The following XPNPEP1 variants were observed in gnomAD, a reference collection of about 807,000 sequenced individuals.
XPNPEP1 encodes X-prolyl aminopeptidase 1, also known as xaa-Pro aminopeptidase 1.
XPNPEP1 carries 39 observed loss-of-function variants against 92.4 expected under a neutral mutation model. The ratio of observed to expected loss-of-function variants is 0.42; its 90% CI spans 0.33 to 0.55. The LOEUF (loss-of-function observed/expected upper bound fraction) is 0.55. Among genes scored for constraint, XPNPEP1 ranks in the 20% least tolerant of loss-of-function variants. The pLI, the probability that XPNPEP1 is intolerant of heterozygous loss-of-function variation, is 0.08. For synonymous variants in XPNPEP1, 307 were observed against 299.4 expected, an observed-to-expected ratio of 1.03 and a Z score of -0.26; for missense variants, 654 against 856.1, an observed-to-expected ratio of 0.76 and a Z score of 2.95.
chr10:109,888,596 C>A lies in XPNPEP1; in HGVS notation c.416-1G>T. ...TCCTGAGTTGGTGTGTCCTTCAGACCTACAGGGGGAAGAAATGATAAGAAA... is the reference window on the plus strand; with the variant it reads ...TCCTGAGTTGGTGTGTCCTTCAGACATACAGGGGGAAGAAATGATAAGAAA... On this transcript the variant is annotated splice_acceptor_variant, in intron 5 of 20. Transcript: ENST00000502935. LOFTEE classifies it high-confidence loss of function. 6.3e-7 allele frequency: 1 copy of A among 1,597,292 alleles called. No homozygotes were observed. Among genetic ancestry groups the A allele is most frequent in the Non-Finnish European group, 8.6e-7 (1 of 1,169,480 alleles).
chr10:109,891,426 G>C (rs1848697259), intron 5 of XPNPEP1: 2 of 234,558 alleles, frequency 8.5e-6, no homozygotes, highest in Admixed American at 1.1e-4. Context: ...AATAGTAGAA[G>C]GCCCCCAGTA....
At chr10:109,916,682 A>C (rs1850209503) in intron 1 of XPNPEP1, among the ~76,000 whole-genome samples, 1 of 152,236 alleles carries the variant, frequency 6.6e-6, no homozygotes. Context: ...TTCATAAAAA[A>C]GTAAGACACC....
intron 17 of XPNPEP1, chr10:109,871,132 G>A (rs1253466869): frequency 4.7e-6 from 2 of 426,898 alleles, no homozygotes; most frequent in African/African-American, 2.0e-5. Context: ...GGTGAGCGGG[G>A]ATAGACACCT....
intron 6 of XPNPEP1, 72 bp downstream of exon 6, chr10:109,888,431 C>T: frequency 6.9e-7 from 1 of 1,452,162 alleles, no homozygotes; most frequent in Non-Finnish European, 9.4e-7. Context: ...ACCCCACAAG[C>T]AAATGAGGAG....
chr10:109,915,185 A>T (rs1850118416), intron 1 of XPNPEP1, 86 bp from the exon 2 acceptor site: 1 of 679,904 alleles, frequency 1.5e-6, no homozygotes, highest in South Asian at 3.2e-5. Context: ...CGCTTAACTT[A>T]GCAGTTCTCT....
rs1850111298 is a variant in XPNPEP1, at chr10:109,915,058, A to T, written c.74T>A (p.Ile25Asn). 1 of 1,529,866 alleles carries T rather than the reference A, an allele frequency of 6.5e-7. No homozygotes were observed. Among genetic ancestry groups the T allele is most frequent in the African/African-American group, 1.4e-5 (1 of 72,892 alleles). 94.8% of individuals were successfully genotyped at this position (1,529,866 alleles called of 1,614,324 possible). Reference protein sequence around the residue: ...QDFQLRNLRIIEPNEVTHSGD... With the variant: ...QDFQLRNLRINEPNEVTHSGD... ...TGAGTGTGTCACCTCGTTAGGTTCA[A>T]TTATTCTTAAATTTCTCAGTTGAAA... Residue 25 changes from isoleucine (I) to asparagine (N), a missense_variant, in exon 2 of 21, where the codon ATT (isoleucine) becomes AAT (asparagine). By Grantham distance (149) the Ile-to-Asn change is moderately radical. Transcript: ENST00000502935.
chr10:109,904,844 A>T (rs1157552781), intron 3 of XPNPEP1, among the ~76,000 whole-genome samples: 1 of 152,242 alleles, frequency 6.6e-6, no homozygotes, highest in African/African-American at 2.4e-5. Flanking sequence ...TGCAGAAAAC[A>T]GTATGGAAGT....
At chr10:109,907,376 G>A (rs2133525682) in intron 3 of XPNPEP1, among the ~76,000 whole-genome samples, 1 of 152,286 alleles carries the variant, frequency 6.6e-6, no homozygotes, top group South Asian at 2.1e-4. Context: ...AGAGAGACAG[G>A]GCAAACAATT....
intron 8 of XPNPEP1, chr10:109,884,460 G>A (rs1848281462): frequency 4.2e-6 from 1 of 239,152 alleles, no homozygotes; most frequent in Non-Finnish European, 8.1e-6. Context: ...GCCTAGTGGT[G>A]ACCTGCCAGG....
chr10:109,915,045 C>T lies in XPNPEP1; in HGVS notation c.87G>A (p.Glu29=). The change falls in exon 2 of 21, where the codon GAG becomes GAA. Residue 29 remains glutamate, a synonymous_variant. Transcript: ENST00000502935. ...LRNLRIIEPN[E]VTHSGDTGVE... ...CACCTGTGTCTCCTGAGTGTGTCAC[C>T]TCGTTAGGTTCAATTATTCTTAAAT... is the stretch of plus-strand genomic sequence containing the variant. The T allele has an allele frequency of 6.5e-7, 1 of 1,530,692 alleles. No individual in the cohort carries two copies. Among genetic ancestry groups the T allele is most frequent in the Non-Finnish European group, 8.7e-7 (1 of 1,143,350 alleles). 94.8% of individuals were successfully genotyped at this position (1,530,692 alleles called of 1,614,324 possible).
At chr10:109,908,531 G>A (rs555053973) in intron 2 of XPNPEP1, among the ~76,000 whole-genome samples, 25 of 152,332 alleles carry the variant, frequency 1.6e-4, no homozygotes, top group African/African-American at 5.8e-4. Context: ...GCACTCAGGA[G>A]GTGGAGGTTG....
chr10:109,906,854 A>G lies in XPNPEP1; in HGVS notation c.246+837T>C, dbSNP rs1849585133. On this transcript the variant is annotated intron_variant, in intron 3 of 20. Coordinates refer to ENST00000502935, the MANE Select transcript of XPNPEP1 (RefSeq NM_020383.4). ...AAACTCCACCCATCCTTCAAGGTCC[A>G]ATTCAACTGTCTCCCCTGTGCCATG... Among the ~76,000 whole-genome samples the G allele has an allele frequency of 2.0e-5, 3 of 152,148 alleles. 1 individual carries two copies. The highest frequency in any genetic ancestry group is 4.1e-4 in the South Asian group (2 of 4,824).
chr10:109,888,884 G>A (rs1258845110), intron 5 of XPNPEP1, among the ~76,000 whole-genome samples: 3 of 152,172 alleles, frequency 2.0e-5, no homozygotes, highest in Non-Finnish European at 2.9e-5. Context: ...GGGGATCACT[G>A]CCACGTACAC....
Position 109,891,736 on chromosome 10 carries a change from G to A in XPNPEP1, c.401C>T (p.Thr134Ile). 2 of 1,586,096 alleles carry A rather than the reference G, an allele frequency of 1.3e-6. No homozygotes were observed. Among genetic ancestry groups the A allele is most frequent in the Non-Finnish European group, 1.7e-6 (2 of 1,170,472 alleles). ...CCTGTACCCACCCATCTTCATAAGT[G>A]TCCAGTTGCTGTCCATTTGCTTGGC... The part of the protein sequence containing the change: ...QAAKQMDSNW[T>I]LMKMGLKDTP... The change falls in exon 5 of 21, where the codon ACA becomes ATA. Residue 134 changes from threonine (T) to isoleucine (I), a missense_variant. Transcript: ENST00000502935.
intron 8 of XPNPEP1, among the ~76,000 whole-genome samples, chr10:109,885,382 A>AT (rs534305591): frequency 8.6e-5 from 13 of 150,548 alleles, no homozygotes; most frequent in Non-Finnish European, 1.5e-4. Context: ...TTTATACGTG[A>AT]TTTTTTTTTT....
At chr10:109,877,555 T>C (rs1270924841) in intron 14 of XPNPEP1, 1 of 548,006 alleles carries the variant, frequency 1.8e-6, no homozygotes, top group Non-Finnish European at 3.2e-6. Context: ...CCCATCTGAC[T>C]ACCCTGCAGA....
At chr10:109,918,119 A>G (rs550155308) in intron 1 of XPNPEP1, among the ~76,000 whole-genome samples, 1 of 151,940 alleles carries the variant, frequency 6.6e-6, no homozygotes, top group East Asian at 1.9e-4. Flanking sequence ...GCCTCAAAAA[A>G]AAAAACAAAA....
At chr10:109,877,466 C>T (rs1285910472) in intron 14 of XPNPEP1, 11 of 222,300 alleles carry the variant, frequency 4.9e-5, no homozygotes, top group Non-Finnish European at 3.5e-5. Context: ...ACCTTGTCTC[C>T]AAAAAAAAAA....
rs762669094 is a variant in XPNPEP1, at chr10:109,888,092, C to T, written c.609G>A (p.Glu203=). 14 of 1,613,994 alleles carry T rather than the reference C, an allele frequency of 8.7e-6. No individual in the cohort carries two copies. The highest frequency in any genetic ancestry group is 1.1e-5 in the Non-Finnish European group (13 of 1,180,030). The change falls in exon 7 of 21, where the codon GAG becomes GAA. Residue 203 remains glutamate, a synonymous_variant. Coordinates refer to ENST00000502935, the MANE Select transcript of XPNPEP1 (RefSeq NM_020383.4). ...LVDKIWTDRP[E]RPCKPLLTLG... ...GTGTGAGGAGAGGCTTGCAAGGGCG[C>T]TCAGGACGGTCTGTCCAGATTTTGT...
Sources: gnomAD v4.1 joint callset for allele counts (sites outside exome capture counted in the v4.1 genomes callset) on GRCh38, gnomAD v4.1.1 for gene constraint, MANE v1.5 for transcripts, NCBI Gene and HGNC (gene_info 2026-07-23, HGNC 2026-07-21) for gene names.